The following ABCA12 variants were observed in gnomAD, a reference collection of about 807,000 sequenced individuals.
ABCA12 encodes the protein ATP binding cassette subfamily A member 12.
A neutral mutation model predicts 293.5 loss-of-function variants in ABCA12; 156 were observed. The ratio of observed to expected loss-of-function variants is 0.53; its 90% CI spans 0.47 to 0.61. The LOEUF is 0.61. Ranked by LOEUF, ABCA12 falls within the 20% of genes least tolerant of loss-of-function variation. The pLI, the probability that ABCA12 is intolerant of heterozygous loss-of-function variation, is 0.00. For missense variants in ABCA12, 2,797 were observed against 3,090.2 expected, an observed-to-expected ratio of 0.91 and a Z score of 2.25; for synonymous variants, 1,063 against 1,108.0, an observed-to-expected ratio of 0.96 and a Z score of 0.81.
chr2:214,990,142 C>T (rs528399274), intron 24 of ABCA12, among the ~76,000 whole-genome samples: 33 of 152,196 alleles, frequency 2.2e-4, no homozygotes, highest in Admixed American at 1.4e-3. Context: ...CTTTTTATTT[C>T]CATAAATAGC....
intron 19 of ABCA12, among the ~76,000 whole-genome samples, chr2:215,006,314 G>C (rs936816625): frequency 9.2e-5 from 14 of 152,134 alleles, no homozygotes; most frequent in African/African-American, 3.4e-4. Context: ...GTCATGAAGT[G>C]CTATCTAAGT....
chr2:214,999,874 GA>G, intron 22 of ABCA12: 3 of 968,306 alleles, frequency 3.1e-6, no homozygotes, highest in Non-Finnish European at 3.7e-6. Context: ...CAGAAGCATT[GA>G]AAGAAAGAAA....
At chr2:215,062,362 T>G (rs1284134091) in intron 3 of ABCA12, among the ~76,000 whole-genome samples, 1 of 152,006 alleles carries the variant, frequency 6.6e-6, no homozygotes, top group Non-Finnish European at 1.5e-5. Context: ...GGCAGTGGTC[T>G]TCTTACAGAA....
chr2:215,040,651 A>C (rs1303624442), intron 7 of ABCA12, among the ~76,000 whole-genome samples: 1 of 152,100 alleles, frequency 6.6e-6, no homozygotes, highest in African/African-American at 2.4e-5. Flanking sequence ...TCTACCAAAA[A>C]TACGAAAAAA....
At chr2:215,021,788 A>AT (rs1553535185) in intron 11 of ABCA12, among the ~76,000 whole-genome samples, 5 of 152,244 alleles carry the variant, frequency 3.3e-5, no homozygotes, top group Admixed American at 3.3e-4. Context: ...AACTACACGT[A>AT]GTTATAGCAA....
Position 215,025,681 on chromosome 2 carries a change from T to G in ABCA12, c.1279A>C (p.Lys427Gln). 3.1e-6 allele frequency: 5 copies of G among 1,602,802 alleles called. No individual in the cohort carries two copies. The highest frequency in any genetic ancestry group is 4.3e-6 in the Non-Finnish European group (5 of 1,174,600). Residue 427 changes from lysine to glutamine, a missense_variant, in exon 11 of 53, where the codon AAA becomes CAA. Around this residue, in one of 3 missense-constraint regions of ABCA12, gnomAD observed 656 missense variants for 638.2 expected, o/e 1.03. Coordinates refer to ENST00000272895, the MANE Select transcript of ABCA12 (RefSeq NM_173076.3). Reference sequence around the variant, plus strand: ...TTACTTTCATGGCTTACTTTTGATTTTAGGACTTCAGGAACTGGAGGAAAG... The same window carrying G: ...TTACTTTCATGGCTTACTTTTGATTGTAGGACTTCAGGAACTGGAGGAAAG... ...DYFPPVPEVL[K>Q]SKLSQLRNLT... is the part of the protein sequence containing the mutation.
chr2:215,054,731 T>C (rs1171264189), intron 3 of ABCA12, 67 bp from the exon 4 acceptor site: 23 of 1,232,844 alleles, frequency 1.9e-5, no homozygotes, highest in Admixed American at 1.4e-4. Context: ...CAATGTATTA[T>C]GTGGCAGATT....
chr2:215,018,212 C>T, intron 13 of ABCA12, 80 bp from the exon 14 acceptor site: 2 of 1,545,378 alleles, frequency 1.3e-6, no homozygotes, highest in Non-Finnish European at 1.7e-6. Context: ...CATAGAGAAA[C>T]CTTCTAGACT....
chr2:214,944,923 A>G, intron 49 of ABCA12, 78 bp downstream of exon 49: 4 of 1,060,590 alleles, frequency 3.8e-6, no homozygotes, highest in Admixed American at 1.9e-5. Context: ...ATATTTATTT[A>G]TGTTATACAG....
chr2:215,104,096 G>A (rs998326428), intron 2 of ABCA12, among the ~76,000 whole-genome samples: 2 of 152,058 alleles, frequency 1.3e-5, no homozygotes, highest in African/African-American at 2.4e-5. Context: ...CTGACAAAAG[G>A]CCCTCTGCTC....
chr2:215,007,168 C>A (rs1023877645), intron 19 of ABCA12, among the ~76,000 whole-genome samples: 3 of 152,206 alleles, frequency 2.0e-5, no homozygotes, highest in Non-Finnish European at 4.4e-5. Flanking sequence ...AGCTACCGCA[C>A]CTGGCCTAGA....
At chr2:215,057,234 T>G (rs770146844) in intron 3 of ABCA12, among the ~76,000 whole-genome samples, 3 of 151,938 alleles carry the variant, frequency 2.0e-5, no homozygotes, top group Non-Finnish European at 4.4e-5. Flanking sequence ...ACCAGCAAAT[T>G]AGCAATAATA....
chr2:214,939,337 C>T (rs1190302588), intron 50 of ABCA12, among the ~76,000 whole-genome samples: 3 of 152,100 alleles, frequency 2.0e-5, no homozygotes, highest in African/African-American at 7.2e-5. Flanking sequence ...TGTTTTGGTA[C>T]CAGTATCATG....
chr2:215,015,866 C>T (rs1378780135), intron 14 of ABCA12, among the ~76,000 whole-genome samples: 6 of 152,026 alleles, frequency 3.9e-5, no homozygotes, highest in Admixed American at 3.3e-4. Context: ...GATGGGAGGC[C>T]GGGCGCGGTG....
At chr2:215,019,296 T>C in intron 13 of ABCA12, 40 bp downstream of exon 13, 1 of 1,555,150 alleles carries the variant, frequency 6.4e-7, no homozygotes, top group Non-Finnish European at 8.9e-7. Context: ...ATCACATGCA[T>C]TCTAATAAGA....
chr2:215,040,459 C>G (rs1701075827), intron 7 of ABCA12, among the ~76,000 whole-genome samples: 1 of 151,898 alleles, frequency 6.6e-6, no homozygotes, highest in Non-Finnish European at 1.5e-5. Context: ...AAAAAAAAGA[C>G]AAAAAGTATT....
chr2:215,049,540 A>T lies in ABCA12; in HGVS notation c.693+86T>A. 6.0e-6 allele frequency: 8 copies of T among 1,323,756 alleles called. No individual in the cohort carries two copies. In the South Asian group the frequency reaches 9.7e-5, roughly 16 times the overall value. The allele number at this position is 1,323,756 out of a possible 1,614,324, so 82.0% of individuals were successfully genotyped here. On this transcript the variant is annotated intron_variant, in intron 6 of 52. Transcript: ENST00000272895. ...CATGCCTAAGGTAAACAAATATCCC[A>T]GTCAGCATTTCCCAGTCTACACGGG...
chr2:215,037,152 A>G, intron 7 of ABCA12, 87 bp from the exon 8 acceptor site: 2 of 971,820 alleles, frequency 2.1e-6, no homozygotes, highest in Non-Finnish European at 3.2e-6. Context: ...AAATGGCTAC[A>G]GTATAAATTA....
rs1258157784 is a variant in ABCA12 at position 214,978,392 on chromosome 2, A to G, written c.5052T>C (p.Ile1684=). ...AGATGCCATTGGCATTGGAATTCCC[A>G]ATTTTCTTTTGTGTTAAGTGCTCAA... The part of the protein sequence containing the change: ...MSLEHLTQKK[I]GNSNANGIST... Residue 1684 remains isoleucine (I), a synonymous_variant, in exon 33 of 53, where the codon ATT becomes ATC. Transcript: ENST00000272895. The G allele has an allele frequency of 1.2e-6, 2 of 1,614,000 alleles. No homozygotes were observed. Among genetic ancestry groups the G allele is most frequent in the Non-Finnish European group, 1.7e-6 (2 of 1,179,972 alleles).
Sources: allele counts gnomAD v4.1 joint callset (sites outside exome capture counted in the v4.1 genomes callset), GRCh38; gene constraint gnomAD v4.1.1; regional missense constraint gnomAD v4.1.1; transcripts MANE v1.5; gene names NCBI Gene and HGNC (gene_info 2026-07-23, HGNC 2026-07-21).